NSUN6: variants seen among roughly 807,000 people sequenced by gnomAD.
The protein encoded by NSUN6 is tRNA (cytosine(72)-C(5))-methyltransferase NSUN6.
NSUN6 carries 64 observed loss-of-function variants against 58.0 expected under a neutral mutation model. That is an observed-to-expected ratio of 1.10 (90% CI 0.90 to 1.36). The LOEUF is 1.36. Ranked by LOEUF, NSUN6 falls within the 40% of genes most tolerant of loss-of-function variation. The pLI is 0.00. For synonymous variants in NSUN6, 231 were observed against 193.9 expected (o/e 1.19, Z -1.59); for missense variants, 701 against 550.1 (o/e 1.27, Z -2.74).
chr10:18,593,380 T>A (rs1177193581), intron 7 of NSUN6, among the ~76,000 whole-genome samples: 1 of 152,140 alleles, frequency 6.6e-6, no homozygotes, highest in African/African-American at 2.4e-5. Context: ...GGATTATAAA[T>A]CATTCTGCTA....
intron 7 of NSUN6, among the ~76,000 whole-genome samples, chr10:18,588,745 C>A (rs184417868): frequency 5.3e-5 from 8 of 152,304 alleles, no homozygotes; most frequent in African/African-American, 1.9e-4. Context: ...AAGACCCCCA[C>A]AACAATCCCA....
In NSUN6 at chr10:18,651,496, GA is replaced by G; in HGVS notation, c.-294del. ...CTCACGTTGCAAAGAACCAAAAAAA[GA>G]AAAAAATGCTTAGTAACTGAATCCG... On this transcript the variant is annotated 5_prime_UTR_variant, in exon 1 of 11. Coordinates refer to ENST00000377304, the MANE Select transcript of NSUN6 (RefSeq NM_182543.5). The G allele has an allele frequency of 2.8e-6, 3 of 1,088,640 alleles. No individual in the cohort carries two copies. The highest frequency in any genetic ancestry group is 3.3e-6 in the Non-Finnish European group (3 of 897,748). The allele number at this position is 1,088,640 out of a possible 1,614,324, so 67.4% of individuals were successfully genotyped here.
At chr10:18,637,704 A>T (rs2059264047) in intron 3 of NSUN6, among the ~76,000 whole-genome samples, 1 of 152,262 alleles carries the variant, frequency 6.6e-6, no homozygotes, top group African/African-American at 2.4e-5. Context: ...AATGAAAAAC[A>T]GGAAAAAACT....
intron 3 of NSUN6, among the ~76,000 whole-genome samples, chr10:18,630,582 A>G (rs999432707): frequency 3.3e-5 from 5 of 152,204 alleles, no homozygotes; most frequent in East Asian, 1.9e-4. Flanking sequence ...TATCACCACC[A>G]ATCCCACAGA....
intron 3 of NSUN6, among the ~76,000 whole-genome samples, chr10:18,622,923 G>A (rs1396907029): frequency 6.6e-6 from 1 of 152,136 alleles, no homozygotes; most frequent in Admixed American, 6.5e-5. Context: ...TTACCAATTG[G>A]TTTTTGGCCT....
chr10:18,593,909 T>C (rs1439799220), intron 7 of NSUN6, among the ~76,000 whole-genome samples: 1 of 148,850 alleles, frequency 6.7e-6, no homozygotes, highest in Non-Finnish European at 1.5e-5. Context: ...ATTTTAAGAA[T>C]GCATCGTGGG....
At position 18,602,384 on chromosome 10, in the gene NSUN6, C is replaced by T. The variant is rs774482109; in HGVS notation, c.658-6057G>A. Among the ~76,000 whole-genome samples, 258 of 152,210 alleles carry T rather than the reference C, an allele frequency of 1.7e-3. 5 individuals carry two copies. Among genetic ancestry groups the T allele is most frequent in the Non-Finnish European group, 4.9e-4 (33 of 68,016 alleles). ...TCAGCCTCCCGAGTAGCTGGGAATA[C>T]AGGTGCCCGCCACCACGCCCGGCTA... On this transcript the variant is annotated intron_variant, in intron 6 of 10. Transcript: ENST00000377304.
At chr10:18,559,020 A>G (rs969466736) in intron 8 of NSUN6, among the ~76,000 whole-genome samples, 1 of 150,832 alleles carries the variant, frequency 6.6e-6, no homozygotes, top group Non-Finnish European at 1.5e-5. Context: ...ATGAAATGCA[A>G]TGGTGAATAG....
At chr10:18,552,743 A>G (rs1025686035) in intron 8 of NSUN6, among the ~76,000 whole-genome samples, 1 of 148,738 alleles carries the variant, frequency 6.7e-6, no homozygotes, top group Non-Finnish European at 1.5e-5. Flanking sequence ...ACTCCATTCA[A>G]TTCTCTACTC....
intron 6 of NSUN6, among the ~76,000 whole-genome samples, chr10:18,603,468 C>CTTTTTT (rs1465029374): frequency 3.0e-4 from 45 of 149,694 alleles, no homozygotes; most frequent in South Asian, 4.2e-4. Flanking sequence ...TTTTTCTTTT[C>CTTTTTT]TTTTCTTTTC....
chr10:18,612,650 G>A (rs995386551), intron 5 of NSUN6, among the ~76,000 whole-genome samples: 5 of 152,144 alleles, frequency 3.3e-5, no homozygotes, highest in Admixed American at 1.3e-4. Context: ...AGATTCTGGT[G>A]CTCTTCGACT....
chr10:18,586,880 C>T (rs1209513988), intron 7 of NSUN6, among the ~76,000 whole-genome samples: 3 of 152,242 alleles, frequency 2.0e-5, no homozygotes, highest in South Asian at 4.1e-4. Context: ...CCATTTTACA[C>T]AGTGCTGATT....
At chr10:18,601,886 A>T (rs144204640) in intron 6 of NSUN6, among the ~76,000 whole-genome samples, 1 of 151,356 alleles carries the variant, frequency 6.6e-6, no homozygotes, top group Non-Finnish European at 1.5e-5. Flanking sequence ...AGGCAGGAGA[A>T]CTGCTTCAAC....
chr10:18,550,373 G>T (rs1419991678), intron 9 of NSUN6, among the ~76,000 whole-genome samples: 4 of 152,156 alleles, frequency 2.6e-5, no homozygotes, highest in Admixed American at 2.6e-4. Context: ...TATATGAAAG[G>T]AAACACCAGG....
chr10:18,552,710 C>A (rs543910246), intron 8 of NSUN6, among the ~76,000 whole-genome samples: 8 of 150,180 alleles, frequency 5.3e-5, no homozygotes, highest in Non-Finnish European at 1.0e-4. Flanking sequence ...TTCCATTCTG[C>A]GTTCCATTCC....
At chr10:18,626,485 G>A (rs1461208952) in intron 3 of NSUN6, among the ~76,000 whole-genome samples, 2 of 152,174 alleles carry the variant, frequency 1.3e-5, no homozygotes, top group African/African-American at 2.4e-5. Context: ...GAGACTTAAT[G>A]GGCCGGACAC....
intron 8 of NSUN6, among the ~76,000 whole-genome samples, chr10:18,575,699 T>C (rs2056612660): frequency 6.6e-6 from 1 of 152,168 alleles, no homozygotes; most frequent in Admixed American, 6.5e-5. Context: ...TGTCTTCCTA[T>C]TGCCCTGCTG....
intron 3 of NSUN6, among the ~76,000 whole-genome samples, chr10:18,616,916 C>G (rs2058430563): frequency 6.6e-6 from 1 of 152,128 alleles, no homozygotes; most frequent in Non-Finnish European, 1.5e-5. Context: ...TGTCACAACT[C>G]ACTGCTGGGG....
At chr10:18,585,234 C>T (rs184564562) in intron 8 of NSUN6, among the ~76,000 whole-genome samples, 1 of 152,126 alleles carries the variant, frequency 6.6e-6, no homozygotes. Context: ...TAAATTAGTA[C>T]AGCCATTATG....
Sources: allele counts gnomAD v4.1 joint callset (sites outside exome capture counted in the v4.1 genomes callset), GRCh38; gene constraint gnomAD v4.1.1; transcripts MANE v1.5; gene names NCBI Gene and HGNC (gene_info 2026-07-23, HGNC 2026-07-21).